USP4: variants seen among roughly 807,000 people sequenced by gnomAD.
USP4 encodes ubiquitin carboxyl-terminal hydrolase 4.
Under a neutral mutation model 118.2 loss-of-function variants are expected in USP4, and 72 were observed. The observed-to-expected ratio is 0.61, with a 90% CI of 0.50 to 0.74. USP4 has a LOEUF of 0.74. USP4 is among the 30% of genes least tolerant of loss of function. The pLI is 0.00. For missense variants in USP4, 1,037 were observed against 1,185.7 expected (o/e 0.87, Z 1.84); for synonymous variants, 415 against 440.4 (o/e 0.94, Z 0.72).
chr3:49,285,788 C>T (rs1007053143), intron 16 of USP4, among the ~76,000 whole-genome samples: 3 of 152,118 alleles, frequency 2.0e-5, no homozygotes, highest in African/African-American at 7.2e-5. Context: ...TATAAGTGAG[C>T]AAGTATGGGG....
At chr3:49,312,233 C>A in intron 6 of USP4, 2 of 250,832 alleles carry the variant, frequency 8.0e-6, no homozygotes, top group South Asian at 7.6e-5. Flanking sequence ...CCGAGGCTGG[C>A]GGATCATGAG....
intron 15 of USP4, among the ~76,000 whole-genome samples, chr3:49,288,541 G>A (rs1421964508): frequency 6.6e-6 from 1 of 152,144 alleles, no homozygotes; most frequent in Non-Finnish European, 1.5e-5. Context: ...CAGGCATGGT[G>A]TCAGGTGCCT....
intron 14 of USP4, 70 bp downstream of exon 14, chr3:49,294,337 G>C: frequency 6.7e-7 from 1 of 1,497,122 alleles, no homozygotes; most frequent in Non-Finnish European, 9.1e-7. Context: ...CACTTGGCAG[G>C]AGTTGCCACT....
Position 49,302,412 on chromosome 3 carries a change from A to G in USP4, c.1259T>C (p.Leu420Pro). The change falls in exon 10 of 22, where the codon CTG (leucine) becomes CCG (proline). Residue 420 changes from leucine to proline, a missense_variant. By Grantham distance (98) the Leu-to-Pro change is moderately conservative. This residue lies in a region of USP4 where 487 missense variants were observed against 534.1 expected (regional missense o/e 0.91). Transcript: ENST00000265560. ...ATCTGGCCGCCCATTGGCATCCTTC[A>G]GCTCCAAGTAGGGCTTTTTCTTTAC... The part of the protein sequence containing the change: ...NRVKKKPYLE[L>P]KDANGRPDAV... 1 of 1,614,002 alleles carries G rather than the reference A, an allele frequency of 6.2e-7. No homozygotes were observed. Among genetic ancestry groups the G allele is most frequent in the Non-Finnish European group, 8.5e-7 (1 of 1,179,996 alleles).
chr3:49,277,157 C>T lies in USP4; in HGVS notation c.*1136G>A. 13 of 1,418,174 alleles carry T rather than the reference C, an allele frequency of 9.2e-6. No homozygotes were observed. The highest frequency in any genetic ancestry group is 1.4e-5 in the African/African-American group (1 of 70,590). The allele number at this position is 1,418,174 out of a possible 1,614,324, so 87.8% of individuals were successfully genotyped here. A position where few individuals can be genotyped will look rare whatever the true frequency, so the allele number is the denominator to read the frequency against. ...GGCCCTACCGGCACCCCCCCTTTGG[C>T]GAGTCGGCAGCCACGTCCTTGTCCT... On this transcript the variant is annotated 3_prime_UTR_variant, in exon 22 of 22. Transcript: ENST00000265560.
chr3:49,310,758 C>G (rs749713875), intron 7 of USP4, 21 bp from the exon 8 acceptor site: 89 of 1,590,254 alleles, frequency 5.6e-5, no homozygotes, highest in Middle Eastern at 5.0e-4. Context: ...CAACACACAT[C>G]AGCAATAAAA....
In USP4 at chr3:49,308,509, C is replaced by T. The variant is rs139875066; in HGVS notation, c.954+2111G>A. Among the ~76,000 whole-genome samples, 158 of 151,638 alleles carry T rather than the reference C, an allele frequency of 1.0e-3. 1 individual carries two copies. The East Asian group carries it at 0.03, about 29-fold the overall frequency. On this transcript the variant is annotated intron_variant, in intron 8 of 21. Transcript: ENST00000265560. The stretch of plus-strand genomic sequence containing the variant: ...TAATTTTTTGTATTTTTAGTGGAGA[C>T]GGGGTTTCACTATGTTGGCCAAGCT...
intron 12 of USP4, 54 bp downstream of exon 12, chr3:49,298,498 A>G: frequency 6.4e-7 from 1 of 1,573,608 alleles, no homozygotes; most frequent in Non-Finnish European, 8.7e-7. Context: ...AGTAAACTCC[A>G]AATGCTATGA....
At chr3:49,282,066 G>A (rs1485702956) in intron 19 of USP4, among the ~76,000 whole-genome samples, 2 of 151,872 alleles carry the variant, frequency 1.3e-5, no homozygotes, top group Non-Finnish European at 1.5e-5. Context: ...GAAAATGGGA[G>A]AACCTTTCTG....
At chr3:49,327,536 C>G (rs2047569602) in intron 3 of USP4, 150 bp downstream of exon 3, 2 of 814,452 alleles carry the variant, frequency 2.5e-6, no homozygotes, top group South Asian at 2.1e-5. Context: ...AAGACTCCAT[C>G]TCAAAAAAAA....
intron 2 of USP4, among the ~76,000 whole-genome samples, chr3:49,331,797 A>G (rs149416317): frequency 5.9e-4 from 90 of 152,140 alleles, no homozygotes; most frequent in Non-Finnish European, 2.2e-4. Flanking sequence ...TAAAGTCACC[A>G]TCTGCAGTAT....
At chr3:49,315,284 G>A (rs1341243440) in intron 6 of USP4, among the ~76,000 whole-genome samples, 1 of 152,084 alleles carries the variant, frequency 6.6e-6, no homozygotes, top group Non-Finnish European at 1.5e-5. Flanking sequence ...GGAGTTTGAG[G>A]TTGCAGTGAA....
At chr3:49,291,319 G>A (rs1298253092) in intron 15 of USP4, among the ~76,000 whole-genome samples, 1 of 149,736 alleles carries the variant, frequency 6.7e-6, no homozygotes, top group Non-Finnish European at 1.5e-5. Context: ...GCTCACACCT[G>A]TAATCCCAGC....
At chr3:49,288,458 T>C (rs2107769641) in intron 15 of USP4, among the ~76,000 whole-genome samples, 2 of 152,294 alleles carry the variant, frequency 1.3e-5, no homozygotes, top group South Asian at 2.1e-4. Flanking sequence ...GTGGATCACC[T>C]GAGGTCAGGA....
chr3:49,331,920 C>G (rs2047621433), intron 2 of USP4, among the ~76,000 whole-genome samples: 1 of 151,064 alleles, frequency 6.6e-6, no homozygotes, highest in African/African-American at 2.4e-5. Flanking sequence ...ATCACTTGAG[C>G]CCAGGAGTTG....
chr3:49,292,456 G>T, intron 15 of USP4, 54 bp downstream of exon 15: 1 of 1,214,930 alleles, frequency 8.2e-7, no homozygotes, highest in Non-Finnish European at 1.1e-6. Context: ...AGAAGAAGAG[G>T]GAAATCAGGA....
At position 49,340,036 on chromosome 3, in the gene USP4, C is replaced by T. The variant is rs1423520401; in HGVS notation, c.-12G>A. The T allele has an allele frequency of 3.1e-6, 5 of 1,602,830 alleles. No individual in the cohort carries two copies. Among genetic ancestry groups the T allele is most frequent in the Non-Finnish European group, 2.5e-6 (3 of 1,178,910 alleles). On this transcript the variant is annotated 5_prime_UTR_variant, in exon 1 of 22. Coordinates refer to ENST00000265560, the MANE Select transcript of USP4 (RefSeq NM_003363.4). ...CCACCTTCCGCCATCTCCTCCGCGG[C>T]CCCGGCCCAGCCGGCCCGGACATCC...
chr3:49,277,608 T>C lies in USP4; in HGVS notation c.*685A>G, dbSNP rs528586158. ...GCGTTATCTAATAAAAAGTGTGTTA[T>C]CTAATAAAAGTTCCACACAGTATTT... On this transcript the variant is annotated 3_prime_UTR_variant, in exon 22 of 22. Coordinates refer to ENST00000265560, the MANE Select transcript of USP4 (RefSeq NM_003363.4). The C allele has an allele frequency of 1.2e-5, 2 of 163,956 alleles. No homozygotes were observed. The highest frequency in any genetic ancestry group is 4.8e-5 in the African/African-American group (2 of 41,676). 10.2% of individuals were successfully genotyped at this position (163,956 alleles called of 1,614,324 possible).
chr3:49,285,854 C>T (rs1406036406), intron 16 of USP4, among the ~76,000 whole-genome samples: 1 of 152,136 alleles, frequency 6.6e-6, no homozygotes, highest in African/African-American at 2.4e-5. Context: ...AGCAAATTCC[C>T]GCAGAGGGAG....
Sources: allele counts gnomAD v4.1 joint callset (sites outside exome capture counted in the v4.1 genomes callset), GRCh38; gene constraint gnomAD v4.1.1; regional missense constraint gnomAD v4.1.1; transcripts MANE v1.5; gene names NCBI Gene and HGNC (gene_info 2026-07-23, HGNC 2026-07-21).